P3H1: variants seen among roughly 807,000 people sequenced by gnomAD.
P3H1 encodes the protein prolyl 3-hydroxylase 1.
P3H1 carries 69 observed loss-of-function variants against 84.0 expected under a neutral mutation model. The ratio of observed to expected loss-of-function variants is 0.82; its 90% CI spans 0.68 to 1.00. P3H1 has a LOEUF of 1.00. Among genes scored for constraint, P3H1 ranks in the 50% least tolerant of loss-of-function variants. The pLI is 0.00. For missense variants in P3H1, 878 were observed against 962.8 expected (o/e 0.91, Z 1.17); for synonymous variants, 366 against 388.8 (o/e 0.94, Z 0.69).
At chr1:42,766,344 T>C (rs1557580020) in intron 1 of P3H1, among the ~76,000 whole-genome samples, 163 bp downstream of exon 1, 1 of 152,184 alleles carries the variant, frequency 6.6e-6, no homozygotes, top group Non-Finnish European at 1.5e-5. Flanking sequence ...GAAGGTCTCC[T>C]GCCAGGGAGC....
intron 11 of P3H1, among the ~76,000 whole-genome samples, chr1:42,749,056 C>T (rs1651888579): frequency 6.6e-6 from 1 of 152,268 alleles, no homozygotes; most frequent in Admixed American, 6.5e-5. Context: ...CCCTTGTCCA[C>T]AGAGGTCATT....
chr1:42,766,224 C>T (rs1652988954), intron 1 of P3H1, among the ~76,000 whole-genome samples: 2 of 152,224 alleles, frequency 1.3e-5, no homozygotes, highest in African/African-American at 4.8e-5. Context: ...GCTTTAATTC[C>T]TTCCAGGAGA....
At chr1:42,752,009 G>T (rs899647372) in intron 10 of P3H1, among the ~76,000 whole-genome samples, 3 of 152,158 alleles carry the variant, frequency 2.0e-5, no homozygotes, top group African/African-American at 7.2e-5. Flanking sequence ...CAGCCCTCTA[G>T]AATCAGCCTT....
At chr1:42,750,424 A>T (rs1446689615) in intron 10 of P3H1, 88 bp from the exon 11 acceptor site, 1 of 1,463,418 alleles carries the variant, frequency 6.8e-7, no homozygotes, top group Non-Finnish European at 9.5e-7. Context: ...TGTAGTTCCC[A>T]TAATTCCCAT....
rs72659351 is a variant in P3H1 at position 42,757,782 on chromosome 1, C to A, written c.1080+1G>T. 1.3e-4 allele frequency: 204 copies of A among 1,614,232 alleles called. No individual in the cohort carries two copies. The African/African-American group carries it at 2.5e-3, about 19-fold the overall frequency. ...TGTCATAACAGAAGGAAGTCTCTCA[C>A]CTCACGGGGGCCGATGGATCTGGTG... On this transcript the variant is annotated splice_donor_variant, in intron 5 of 14. Coordinates refer to ENST00000296388, the MANE Select transcript of P3H1 (RefSeq NM_022356.4). LOFTEE classifies it high-confidence loss of function.
Position 42,750,273 on chromosome 1 carries a change from C to T in P3H1, c.1633G>A (p.Val545Met), listed in dbSNP as rs1020872982. The change falls in exon 11 of 15, where the codon GTG becomes ATG. Residue 545 changes from valine (V) to methionine (M), a missense_variant. Physicochemically the swap from Val to Met is conservative, Grantham distance 21. Transcript: ENST00000296388. ...AAGTAGGACTCCATGATGCGCCGCA[C>T]CTTCTCCGTCACGTTGTAGTACAGG... ...AHLYYNVTEK[V>M]RRIMESYFRL... 2 of 1,613,920 alleles carry T rather than the reference C, an allele frequency of 1.2e-6. No individual in the cohort carries two copies. The highest frequency in any genetic ancestry group is 2.7e-5 in the African/African-American group (2 of 74,906).
At chr1:42,749,998 G>A in intron 11 of P3H1, 188 bp downstream of exon 11, 1 of 679,648 alleles carries the variant, frequency 1.5e-6, no homozygotes, top group Non-Finnish European at 2.5e-6. Context: ...TGATCCCCAG[G>A]TAGGTTGACT....
chr1:42,750,410 A>G, intron 10 of P3H1, 74 bp from the exon 11 acceptor site: 2 of 1,537,674 alleles, frequency 1.3e-6, no homozygotes, highest in Non-Finnish European at 1.8e-6. Context: ...CCCAAATCTT[A>G]TCTTGTAGTT....
At chr1:42,755,690 C>A in intron 5 of P3H1, 53 bp from the exon 6 acceptor site, 1 of 1,429,134 alleles carries the variant, frequency 7.0e-7, no homozygotes, top group Non-Finnish European at 9.9e-7. Context: ...GTCTTTTAAC[C>A]TCTGGGAGTT....
chr1:42,746,811 G>A lies in P3H1; in HGVS notation c.2097C>T (p.Ser699=). Residue 699 remains serine (S), a synonymous_variant, in exon 15 of 15, where the codon AGC becomes AGT. Transcript: ENST00000296388. ...QADDLVKMLF[S]PEEMDLSQEQ... ...CCTGGGAGAGGTCCATCTCTTCTGG[G>A]CTGAAGAGCATCTTCACCAGGTCAT... 1 of 1,603,024 alleles carries A rather than the reference G, an allele frequency of 6.2e-7. No homozygotes were observed. Among genetic ancestry groups the A allele is most frequent in the South Asian group, 1.1e-5 (1 of 89,454 alleles).
chr1:42,766,017 G>A (rs59235927), intron 1 of P3H1, among the ~76,000 whole-genome samples: 7,058 of 104,230 alleles, frequency 0.068, 423 homozygotes, highest in African/African-American at 0.13. Context: ...TCCCCCCCCC[G>A]CCCCCACACA....
intron 11 of P3H1, chr1:42,749,799 C>T (rs897140920): frequency 5.0e-6 from 1 of 201,970 alleles, no homozygotes; most frequent in South Asian, 9.7e-5. Flanking sequence ...TTTAACAAGC[C>T]CTTCTGTTGA....
intron 11 of P3H1, among the ~76,000 whole-genome samples, chr1:42,749,592 C>A (rs1651918802): frequency 1.3e-5 from 2 of 152,182 alleles, no homozygotes; most frequent in Non-Finnish European, 1.5e-5. Context: ...GATAAAAATT[C>A]CCTTGAATGT....
intron 1 of P3H1, among the ~76,000 whole-genome samples, chr1:42,763,425 A>G (rs1652820760): frequency 6.6e-6 from 1 of 151,900 alleles, no homozygotes; most frequent in South Asian, 2.1e-4. Flanking sequence ...TAATCCCAGC[A>G]CTTTGGGAGG....
intron 2 of P3H1, 126 bp from the exon 3 acceptor site, chr1:42,759,516 G>C: frequency 1.3e-6 from 1 of 742,878 alleles, no homozygotes; most frequent in African/African-American, 1.7e-5. Flanking sequence ...GGGGTGACCT[G>C]GGTACCACTA....
At chr1:42,749,081 C>T (rs1651890562) in intron 11 of P3H1, among the ~76,000 whole-genome samples, 1 of 152,238 alleles carries the variant, frequency 6.6e-6, no homozygotes, top group Non-Finnish European at 1.5e-5. Context: ...ACCAGCTTCC[C>T]TTTTTGGTTT....
At chr1:42,757,659 C>T in intron 5 of P3H1, 124 bp downstream of exon 5, 1 of 1,396,530 alleles carries the variant, frequency 7.2e-7, no homozygotes, top group South Asian at 1.2e-5. Context: ...TCACATCTGG[C>T]CCCAACACTG....
intron 5 of P3H1, 47 bp downstream of exon 5, chr1:42,757,736 G>T (rs774541315): frequency 6.2e-7 from 1 of 1,614,078 alleles, no homozygotes. Flanking sequence ...TCCGCCCTCA[G>T]GTCTGAGTTC....
intron 8 of P3H1, among the ~76,000 whole-genome samples, chr1:42,753,845 G>A (rs1188814511): frequency 6.6e-6 from 1 of 151,840 alleles, no homozygotes; most frequent in Non-Finnish European, 1.5e-5. Context: ...ATTCCTTGAT[G>A]ATCCCGGGAT....
Sources: allele counts gnomAD v4.1 joint callset (sites outside exome capture counted in the v4.1 genomes callset), GRCh38; gene constraint gnomAD v4.1.1; transcripts MANE v1.5; gene names NCBI Gene and HGNC (gene_info 2026-07-23, HGNC 2026-07-21).